PRX: variants seen among roughly 807,000 people sequenced by gnomAD.
The protein encoded by PRX is periaxin.
A neutral mutation model predicts 29.6 loss-of-function variants in PRX; 24 were observed. The ratio of observed to expected loss-of-function variants is 0.81; its 90% CI spans 0.59 to 1.14. The LOEUF is 1.14. Among genes scored for constraint, PRX ranks in the 50% most tolerant of loss-of-function variants. PRX has a pLI of 0.00. For missense variants in PRX, 1,838 were observed against 1,926.4 expected (o/e 0.95, Z 0.86); for synonymous variants, 772 against 831.7 (o/e 0.93, Z 1.24).
intron 5 of PRX, among the ~76,000 whole-genome samples, chr19:40,402,127 C>T (rs1332664008): frequency 2.6e-5 from 4 of 151,856 alleles, no homozygotes; most frequent in Admixed American, 6.6e-5. Flanking sequence ...CCGAGGAGGG[C>T]GGATCACGAG....
intron 4 of PRX, chr19:40,407,685 A>G: frequency 1.6e-6 from 1 of 644,704 alleles, no homozygotes; most frequent in Non-Finnish European, 2.7e-6. Context: ...CAGTGATTTC[A>G]CTGCCTTGAG....
chr19:40,398,625 TGGCCACCTTGGCCCGCGG>T lies in PRX; in HGVS notation c.358_375del (p.Pro120_Ala125del). The T allele has an allele frequency of 6.2e-7, 1 of 1,610,638 alleles. No homozygotes were observed. Among genetic ancestry groups the T allele is most frequent in the South Asian group, 1.1e-5 (1 of 90,988 alleles). ...GCCGGGCTAAGCACGCGTACCAGCT[TGGCCACCTTGGCCCGCGG>T]GCCCTTGATCTCGTAGCCAGACACG... On this transcript the variant is annotated inframe_deletion, in exon 6 of 7. Coordinates refer to ENST00000324001, the MANE Select transcript of PRX (RefSeq NM_181882.3). The surrounding 1 kb of genome is among the most constrained non-coding windows in gnomAD (Gnocchi z 6.3).
In PRX at chr19:40,395,548, T is replaced by G. The variant is rs1179595016; in HGVS notation, c.2804A>C (p.Lys935Thr). The change falls in exon 7 of 7, where the codon AAG (lysine) becomes ACG (threonine). Residue 935 changes from lysine to threonine, a missense_variant. Coordinates refer to ENST00000324001, the MANE Select transcript of PRX (RefSeq NM_181882.3). ...VKPSSKFSLP[K>T]FGLSGPKVAK... ...CACCTTTGGCCCCGAGAGTCCAAAC[T>G]TAGGTAAGGAGAACTTGGAAGAGGG... 3.7e-6 allele frequency: 6 copies of G among 1,614,024 alleles called. No individual in the cohort carries two copies. The highest frequency in any genetic ancestry group is 5.1e-6 in the Non-Finnish European group (6 of 1,180,022).
chr19:40,400,516 C>T (rs1377506179), intron 5 of PRX, among the ~76,000 whole-genome samples: 4 of 141,150 alleles, frequency 2.8e-5, no homozygotes, highest in South Asian at 4.6e-4. Flanking sequence ...CACTTGAACC[C>T]GGGAGGCGGA....
chr19:40,399,893 TTC>T (rs779452990), intron 5 of PRX, among the ~76,000 whole-genome samples: 3 of 67,886 alleles, frequency 4.4e-5, no homozygotes, highest in African/African-American at 3.6e-4. Flanking sequence ...CTTTCTTTCT[TTC>T]TTTCTTTCTT....
chr19:40,403,360 C>T (rs780640859), intron 5 of PRX, among the ~76,000 whole-genome samples: 1 of 152,156 alleles, frequency 6.6e-6, no homozygotes, highest in South Asian at 2.1e-4. Flanking sequence ...TAGTTAAGCA[C>T]TATGTGCCAC....
In PRX at chr19:40,396,509, C is replaced by G; in HGVS notation, c.1843G>C (p.Asp615His). 1.9e-6 allele frequency: 3 copies of G among 1,614,018 alleles called. No individual in the cohort carries two copies. Among genetic ancestry groups the G allele is most frequent in the Non-Finnish European group, 2.5e-6 (3 of 1,179,990 alleles). The change falls in exon 7 of 7, where the codon GAT (aspartate) becomes CAT (histidine). Residue 615 changes from aspartate (D) to histidine (H), a missense_variant. Asp to His is a moderately conservative substitution (Grantham distance 81). Around this residue, in one of 3 missense-constraint regions of PRX, gnomAD observed 1,143 missense variants for 1,193.0 expected, o/e 0.96. Coordinates refer to ENST00000324001, the MANE Select transcript of PRX (RefSeq NM_181882.3). ...AGCTGCACTTCTGGGAGGTGCACATCGGGCACGGCCATCTCGGGCACCTTC... is the reference window on the plus strand; with the variant it reads ...AGCTGCACTTCTGGGAGGTGCACATGGGGCACGGCCATCTCGGGCACCTTC... ...LPKVPEMAVP[D>H]VHLPEVQLPK...
At chr19:40,404,412 G>A (rs1304904182) in intron 4 of PRX, among the ~76,000 whole-genome samples, 2 of 149,886 alleles carry the variant, frequency 1.3e-5, no homozygotes, top group African/African-American at 5.0e-5. Flanking sequence ...GGTCAGGTCG[G>A]GAGGGCGGGG....
chr19:40,408,798 G>A (rs533164588), intron 1 of PRX, among the ~76,000 whole-genome samples: 5 of 142,916 alleles, frequency 3.5e-5, no homozygotes, highest in Non-Finnish European at 5.9e-5. Context: ...ACCCGGCTAC[G>A]TTTTTGTTGT....
rs150244426 is a variant in PRX at position 40,397,130 on chromosome 19, G to A, written c.1222C>T (p.Pro408Ser). The A allele has an allele frequency of 1.5e-4, 238 of 1,614,156 alleles. 3 individuals are homozygous for A. In the South Asian group the frequency reaches 2.0e-3, roughly 14 times the overall value. The change falls in exon 7 of 7, where the codon CCT becomes TCT. Residue 408 changes from proline (P) to serine (S), a missense_variant. Coordinates refer to ENST00000324001, the MANE Select transcript of PRX (RefSeq NM_181882.3). ...TTCAGCTTGCTCTCTACAACTTCAG[G>A]AGCAGCGGGCCGGGGCTCCAAGAGG... Reference protein sequence around the residue: ...LSLLEPRPAAPEVVESKLKLP... With the variant: ...LSLLEPRPAASEVVESKLKLP...
In PRX at chr19:40,394,598, C is replaced by T. The variant is rs1325660660; in HGVS notation, c.3754G>A (p.Ala1252Thr). The change falls in exon 7 of 7, where the codon GCC becomes ACC. Residue 1252 changes from alanine to threonine, a missense_variant. This residue lies in a region of PRX where 1,143 missense variants were observed against 1,193.0 expected (regional missense o/e 0.96). Coordinates refer to ENST00000324001, the MANE Select transcript of PRX (RefSeq NM_181882.3). This position sits in a 1 kb window ranked among gnomAD's most constrained non-coding sequence, Gnocchi z 5.8. Reference protein sequence around the residue: ...GLRLKLPTLGARARVGGEGAE... With the variant: ...GLRLKLPTLGTRARVGGEGAE... ...CCCTCGCCCCCCACCCTAGCTCTGG[C>T]CCCCAGTGTGGGCAACTTCAGCCTC... 4 of 1,608,378 alleles carry T rather than the reference C, an allele frequency of 2.5e-6. No individual in the cohort carries two copies. Among genetic ancestry groups the T allele is most frequent in the African/African-American group, 1.3e-5 (1 of 75,016 alleles).
rs757009052 is a variant in PRX, at chr19:40,396,891, C to T, written c.1461G>A (p.Pro487=). 3.0e-5 allele frequency: 48 copies of T among 1,613,200 alleles called. No individual in the cohort carries two copies. Among genetic ancestry groups the T allele is most frequent in the Middle Eastern group, 1.7e-4 (1 of 6,056 alleles). Residue 487 remains proline (P), a synonymous_variant, in exon 7 of 7, where the codon CCG becomes CCA. Coordinates refer to ENST00000324001, the MANE Select transcript of PRX (RefSeq NM_181882.3). ...GCTCTACCTCTGGAAGCCGCACCTCCGGCACAGCCATCTCTGGCACCTTTG... is the reference window on the plus strand; with the variant it reads ...GCTCTACCTCTGGAAGCCGCACCTCTGGCACAGCCATCTCTGGCACCTTTG... ...KLPKVPEMAV[P]EVRLPEVELP... is the part of the protein sequence containing the mutation.
intron 1 of PRX, among the ~76,000 whole-genome samples, chr19:40,411,916 C>A (rs1268242565): frequency 6.6e-6 from 1 of 152,232 alleles, no homozygotes; most frequent in Non-Finnish European, 1.5e-5. Context: ...CCAGGGTCCC[C>A]ATTTCTTGAG....
At position 40,394,394 on chromosome 19, in the gene PRX, C is replaced by T. The variant is rs1282239873; in HGVS notation, c.3958G>A (p.Ala1320Thr). 6.2e-7 allele frequency: 1 copy of T among 1,600,906 alleles called. No individual in the cohort carries two copies. Among genetic ancestry groups the T allele is most frequent in the East Asian group, 2.3e-5 (1 of 43,956 alleles). ...CTCTTGGCCTTCTCACCCTCCTCGG[C>T]CCCCTCCTTGGCCCGCACCAGGCCA... The part of the protein sequence containing the change: ...RFGLVRAKEG[A>T]EEGEKAKSPK... The change falls in exon 7 of 7, where the codon GCC becomes ACC. Residue 1320 changes from alanine to threonine, a missense_variant. Physicochemically the swap from Ala to Thr is moderately conservative, Grantham distance 58. Transcript: ENST00000324001. The surrounding 1 kb of genome is among the most constrained non-coding windows in gnomAD (Gnocchi z 5.8).
chr19:40,413,738 C>T (rs1159909559), upstream of PRX, among the ~76,000 whole-genome samples: 1 of 152,206 alleles, frequency 6.6e-6, no homozygotes, highest in Non-Finnish European at 1.5e-5. Context: ...TCCCTGTCAA[C>T]TTGGGTTCAA....
At chr19:40,407,212 T>TGTGTGTGTGTG (rs2079535328) in intron 4 of PRX, among the ~76,000 whole-genome samples, 2 of 133,844 alleles carry the variant, frequency 1.5e-5, no homozygotes, top group African/African-American at 5.7e-5. Context: ...TTATATGCCC[T>TGTGTGTGTGTG]TGTGTGTGTG....
At position 40,394,822 on chromosome 19, in the gene PRX, G is replaced by C. The variant is rs1484097109; in HGVS notation, c.3530C>G (p.Ala1177Gly). ...GQQAQSTVPS[A>G]EGTAGYRVQV... ...AACCCTGTAGCCTGCTGTGCCCTCT[G>C]CTGAAGGGACTGTACTCTGAGCCTG... The change falls in exon 7 of 7, where the codon GCA (alanine) becomes GGA (glycine). Residue 1177 changes from alanine to glycine, a missense_variant. Ala to Gly is a moderately conservative substitution (Grantham distance 60, BLOSUM62 0). Around this residue, in one of 3 missense-constraint regions of PRX, gnomAD observed 1,143 missense variants for 1,193.0 expected, o/e 0.96. Transcript: ENST00000324001. The surrounding 1 kb of genome is among the most constrained non-coding windows in gnomAD (Gnocchi z 5.8). 3.7e-6 allele frequency: 6 copies of C among 1,613,320 alleles called. No individual in the cohort carries two copies. The South Asian group carries it at 6.6e-5, about 18-fold the overall frequency.
intron 1 of PRX, among the ~76,000 whole-genome samples, chr19:40,410,262 C>T (rs1225053381): frequency 6.6e-6 from 1 of 152,194 alleles, no homozygotes; most frequent in Non-Finnish European, 1.5e-5. Flanking sequence ...GCATGCCAAC[C>T]CGCCAACCCC....
At chr19:40,407,407 A>G (rs1435674130) in intron 4 of PRX, 2 of 179,004 alleles carry the variant, frequency 1.1e-5, no homozygotes, top group East Asian at 3.0e-4. Flanking sequence ...GGTTCAGGTG[A>G]TCCTCCCACC....
Sources: allele counts gnomAD v4.1 joint callset (sites outside exome capture counted in the v4.1 genomes callset), GRCh38; gene constraint gnomAD v4.1.1; regional missense constraint gnomAD v4.1.1; non-coding constraint Gnocchi (gnomAD v3.1); transcripts MANE v1.5; gene names NCBI Gene and HGNC (gene_info 2026-07-23, HGNC 2026-07-21).